SPINT4: variants seen among roughly 807,000 people sequenced by gnomAD.
SPINT4 encodes kunitz-type protease inhibitor 4.
SPINT4 carries 7 observed loss-of-function variants against 9.4 expected under a neutral mutation model. The ratio of observed to expected loss-of-function variants is 0.74; its 90% CI spans 0.42 to 1.40. The LOEUF is 1.40. Among genes scored for constraint, SPINT4 ranks in the 40% most tolerant of loss-of-function variants. SPINT4 has a pLI of 0.01. For synonymous variants in SPINT4, 36 were observed against 39.9 expected (o/e 0.90, Z 0.37); for missense variants, 105 against 114.4 (o/e 0.92, Z 0.37).
intron 2 of SPINT4, among the ~76,000 whole-genome samples, chr20:45,724,458 G>A (rs1022438065): frequency 6.7e-6 from 1 of 148,588 alleles, no homozygotes; most frequent in Non-Finnish European, 1.5e-5. Context: ...GCGGCGAGCC[G>A]AGATCGCGCC....
chr20:45,724,026 G>C lies in SPINT4; in HGVS notation c.262G>C (p.Glu88Gln), dbSNP rs770970630. 2 of 1,609,920 alleles carry C rather than the reference G, an allele frequency of 1.2e-6. No homozygotes were observed. Among genetic ancestry groups the C allele is most frequent in the East Asian group, 2.2e-5 (1 of 44,702 alleles). ...LNNFKLKIER[E>Q]VACVAKYKPP... ...CAACTTCAAGCTTAAAATAGAACGT[G>C]AAGTAGCCTGTGTTGCAAAATACAA... is the stretch of plus-strand genomic sequence containing the variant. The change falls in exon 2 of 3, where the codon GAA (glutamate) becomes CAA (glutamine). Residue 88 changes from glutamate (E) to glutamine (Q), a missense_variant. By Grantham distance (29) the Glu-to-Gln change is conservative (BLOSUM62 2). Coordinates refer to ENST00000279058, the MANE Select transcript of SPINT4 (RefSeq NM_178455.3).
intron 1 of SPINT4, among the ~76,000 whole-genome samples, chr20:45,723,229 T>C (rs917200019): frequency 6.6e-6 from 1 of 152,080 alleles, no homozygotes; most frequent in African/African-American, 2.4e-5. Flanking sequence ...GTAAGGTGGA[T>C]TGTCAATACA....
Position 45,725,644 on chromosome 20 carries a change from G to A in SPINT4, c.*9G>A. ...GCTTAAACAGGAGGTGAGAGGATGT[G>A]AACTCATGAAGTTGTCTGCTGCACC... On this transcript the variant is annotated 3_prime_UTR_variant, in exon 3 of 3. Coordinates refer to ENST00000279058, the MANE Select transcript of SPINT4 (RefSeq NM_178455.3). 2 of 1,613,736 alleles carry A rather than the reference G, an allele frequency of 1.2e-6. No homozygotes were observed. The highest frequency in any genetic ancestry group is 1.7e-6 in the Non-Finnish European group (2 of 1,179,690).
chr20:45,722,604 GA>G, intron 1 of SPINT4, 122 bp downstream of exon 1: 1 of 715,810 alleles, frequency 1.4e-6, no homozygotes, highest in South Asian at 1.5e-5. Context: ...AATACCCATA[GA>G]CACTTAGTCC....
chr20:45,724,995 A>AAAATATATAT (rs1387842262), intron 2 of SPINT4, among the ~76,000 whole-genome samples: 2 of 36,422 alleles, frequency 5.5e-5, no homozygotes, highest in East Asian at 6.5e-4. Context: ...AAAAAAAAAA[A>AAAATATATAT]ATATATATAT....
intron 2 of SPINT4, among the ~76,000 whole-genome samples, chr20:45,724,528 A>C (rs1009937074): frequency 4.1e-4 from 53 of 128,546 alleles, no homozygotes; most frequent in African/African-American, 1.6e-3. Flanking sequence ...AAAAAAAAAA[A>C]AAAAACCACA....
chr20:45,725,591 A>C, intron 2 of SPINT4, 38 bp from the exon 3 acceptor site: 1 of 1,613,274 alleles, frequency 6.2e-7, no homozygotes, highest in Non-Finnish European at 8.5e-7. Context: ...AAAAACCTGT[A>C]ACACCGATTT....
chr20:45,723,334 C>T (rs577821855), intron 1 of SPINT4, among the ~76,000 whole-genome samples: 4 of 152,056 alleles, frequency 2.6e-5, no homozygotes, highest in Admixed American at 6.6e-5. Flanking sequence ...GAGAAGATGA[C>T]GGGGTATGAG....
chr20:45,725,432 G>A (rs1978353562), intron 2 of SPINT4, among the ~76,000 whole-genome samples, 197 bp from the exon 3 acceptor site: 1 of 151,998 alleles, frequency 6.6e-6, no homozygotes, highest in Non-Finnish European at 1.5e-5. Context: ...TCTTTTCAGT[G>A]CCTGGCACAT....
At position 45,722,450 on chromosome 20, in the gene SPINT4, A is replaced by C; in HGVS notation, c.83A>C (p.Lys28Thr). Residue 28 changes from lysine (K) to threonine (T), a missense_variant, in exon 1 of 3, where the codon AAA becomes ACA. Physicochemically the swap from Lys to Thr is moderately conservative, Grantham distance 78. Coordinates refer to ENST00000279058, the MANE Select transcript of SPINT4 (RefSeq NM_178455.3). ...ACCCTGTTATTGGGTGGTGTTAATA[A>C]AATTGCGGAGAAGATATGTGGAGAC... Reference protein sequence around the residue: ...LNTLLLGGVNKIAEKICGDLK... With the variant: ...LNTLLLGGVNTIAEKICGDLK... 1.9e-6 allele frequency: 3 copies of C among 1,613,262 alleles called. No homozygotes were observed. Among genetic ancestry groups the C allele is most frequent in the Non-Finnish European group, 2.5e-6 (3 of 1,179,166 alleles).
At chr20:45,724,350 T>G (rs1428516751) in intron 2 of SPINT4, among the ~76,000 whole-genome samples, 10 of 151,434 alleles carry the variant, frequency 6.6e-5, no homozygotes, top group Admixed American at 6.6e-4. Flanking sequence ...TAGCCAGGCA[T>G]AGTGTCGCAT....
At chr20:45,722,720 G>A (rs1055545971) in intron 1 of SPINT4, among the ~76,000 whole-genome samples, 2 of 152,062 alleles carry the variant, frequency 1.3e-5, no homozygotes, top group Non-Finnish European at 2.9e-5. Context: ...TTTATAGGAG[G>A]TCCAAAGGAC....
At chr20:45,722,828 A>G (rs1984831937) in intron 1 of SPINT4, among the ~76,000 whole-genome samples, 1 of 152,176 alleles carries the variant, frequency 6.6e-6, no homozygotes, top group African/African-American at 2.4e-5. Context: ...GGTTGGAGAC[A>G]GAGCAAATTA....
In SPINT4 at chr20:45,725,005, T is replaced by A. The variant is rs1398226119; in HGVS notation, c.294-624T>A. ...AAAAAAAAAAAAAAAAATATATATA[T>A]ATATATATATATATATATATATCAA... On this transcript the variant is annotated intron_variant, in intron 2 of 2. Transcript: ENST00000279058. Among the ~76,000 whole-genome samples the A allele has an allele frequency of 9.6e-4, 105 of 109,036 alleles. 3 individuals carry two copies. The highest frequency in any genetic ancestry group is 3.0e-3 in the East Asian group (11 of 3,628). 71.5% of individuals were successfully genotyped at this position (109,036 alleles called of 152,430 possible). A position where few individuals can be genotyped will look rare whatever the true frequency, so the allele number is the denominator to read the frequency against.
At chr20:45,722,691 T>C (rs1984828373) in intron 1 of SPINT4, among the ~76,000 whole-genome samples, 1 of 152,112 alleles carries the variant, frequency 6.6e-6, no homozygotes, top group Non-Finnish European at 1.5e-5. Flanking sequence ...CACAAAGTCC[T>C]TTCCAGATGG....
chr20:45,725,528 T>A, intron 2 of SPINT4, 101 bp from the exon 3 acceptor site: 2 of 1,251,208 alleles, frequency 1.6e-6, no homozygotes, highest in South Asian at 2.4e-5. Context: ...GAAGGCATCC[T>A]CTGTGCTTTC....
chr20:45,722,543 G>A lies in SPINT4; in HGVS notation c.115+61G>A, dbSNP rs112333032. 3.1e-5 allele frequency: 40 copies of A among 1,274,852 alleles called. 3 individuals are homozygous for A. In the African/African-American group the frequency reaches 3.4e-4, roughly 11 times the overall value. The allele number at this position is 1,274,852 out of a possible 1,614,324, so 79.0% of individuals were successfully genotyped here. On this transcript the variant is annotated intron_variant, in intron 1 of 2. Coordinates refer to ENST00000279058, the MANE Select transcript of SPINT4 (RefSeq NM_178455.3). ...AATTATGAATGAGAGAGAAGGTATT[G>A]GGAGAAAAGTGTGTTATCTAGGTAG...
chr20:45,725,575 A>C, intron 2 of SPINT4, 54 bp from the exon 3 acceptor site: 2 of 1,606,968 alleles, frequency 1.2e-6, no homozygotes, highest in Non-Finnish European at 1.7e-6. Context: ...ATCCAGGGAG[A>C]CCTTCAAAAA....
chr20:45,725,011 T>TATATATACAC (rs1555808997), intron 2 of SPINT4, among the ~76,000 whole-genome samples: 2 of 47,728 alleles, frequency 4.2e-5, no homozygotes, highest in East Asian at 8.1e-4. Flanking sequence ...TATATATATA[T>TATATATACAC]ATATATATAT....
Sources: allele counts gnomAD v4.1 joint callset (sites outside exome capture counted in the v4.1 genomes callset), GRCh38; gene constraint gnomAD v4.1.1; transcripts MANE v1.5; gene names NCBI Gene and HGNC (gene_info 2026-07-23, HGNC 2026-07-21).